Variants in LRRTM4 observed in about 807,000 individuals in gnomAD.
The protein encoded by LRRTM4 is leucine rich repeat transmembrane neuronal 4.
In LRRTM4, 25 loss-of-function variants were observed where a neutral mutation model predicts 47.6. The observed-to-expected ratio is 0.53, with a 90% CI of 0.38 to 0.73. LRRTM4 has a LOEUF of 0.73. Ranked by LOEUF, LRRTM4 falls within the 30% of genes least tolerant of loss-of-function variation. The probability of loss-of-function intolerance (pLI) is 0.00; values close to 1 mark genes in which losing one functional copy is unlikely to be tolerated. For missense variants in LRRTM4, 638 were observed against 713.4 expected, an observed-to-expected ratio of 0.89 and a Z score of 1.20; for synonymous variants, 311 against 269.5, an observed-to-expected ratio of 1.15 and a Z score of -1.51.
intron 3 of LRRTM4, among the ~76,000 whole-genome samples, chr2:77,317,541 G>T (rs1263456315): frequency 1.3e-5 from 2 of 151,958 alleles, no homozygotes; most frequent in African/African-American, 2.4e-5. Context: ...TTTTTTATTT[G>T]AAAGATTATC....
At chr2:77,141,686 A>G (rs918316184) in intron 3 of LRRTM4, among the ~76,000 whole-genome samples, 7 of 152,154 alleles carry the variant, frequency 4.6e-5, no homozygotes, top group African/African-American at 1.7e-4. Flanking sequence ...GAGGACTCCT[A>G]AGTTTTTATT....
At chr2:76,902,386 T>C (rs1293684387) in intron 3 of LRRTM4, among the ~76,000 whole-genome samples, 3 of 152,316 alleles carry the variant, frequency 2.0e-5, no homozygotes, top group African/African-American at 4.8e-5. Flanking sequence ...CAATTATACT[T>C]GAAACATTAT....
At chr2:77,396,731 G>A (rs1673719595) in intron 3 of LRRTM4, among the ~76,000 whole-genome samples, 1 of 151,926 alleles carries the variant, frequency 6.6e-6, no homozygotes, top group South Asian at 2.1e-4. Flanking sequence ...GGTGAAACCA[G>A]GCAATATGCA....
intron 3 of LRRTM4, among the ~76,000 whole-genome samples, chr2:77,473,494 T>C (rs1418311317): frequency 6.6e-6 from 1 of 152,070 alleles, no homozygotes; most frequent in African/African-American, 2.4e-5. Flanking sequence ...TAGCCTTTTT[T>C]TCCCCCTTTC....
At chr2:77,463,138 A>ACC (rs1415014186) in intron 3 of LRRTM4, among the ~76,000 whole-genome samples, 1 of 152,040 alleles carries the variant, frequency 6.6e-6, no homozygotes, top group Non-Finnish European at 1.5e-5. Flanking sequence ...CCTACTACAC[A>ACC]CCTAGGCTGT....
At chr2:77,189,851 AAAC>A (rs1428076280) in intron 3 of LRRTM4, among the ~76,000 whole-genome samples, 2 of 152,140 alleles carry the variant, frequency 1.3e-5, no homozygotes, top group African/African-American at 4.8e-5. Context: ...CTATATACAT[AAAC>A]AATATCTATG....
At chr2:76,935,343 T>C (rs1674908627) in intron 3 of LRRTM4, among the ~76,000 whole-genome samples, 1 of 152,184 alleles carries the variant, frequency 6.6e-6, no homozygotes, top group African/African-American at 2.4e-5. Flanking sequence ...GGGCTCTTTT[T>C]GGTTTCATAT....
intron 3 of LRRTM4, among the ~76,000 whole-genome samples, chr2:77,258,487 A>T (rs1573156018): frequency 6.6e-6 from 1 of 152,134 alleles, no homozygotes; most frequent in African/African-American, 2.4e-5. Context: ...ATTTACAGTT[A>T]CATAATGTAT....
chr2:77,163,506 C>T (rs564139911), intron 3 of LRRTM4, among the ~76,000 whole-genome samples: 32 of 152,230 alleles, frequency 2.1e-4, no homozygotes, highest in African/African-American at 7.2e-4. Flanking sequence ...AGAAGAGCAA[C>T]TCCAAGACAC....
At chr2:76,868,037 G>A (rs1200652780) in intron 3 of LRRTM4, among the ~76,000 whole-genome samples, 1 of 152,122 alleles carries the variant, frequency 6.6e-6, no homozygotes, top group Non-Finnish European at 1.5e-5. Flanking sequence ...GTCAGCTGTG[G>A]AGACATTTCC....
At chr2:77,033,732 A>T (rs1678740593) in intron 3 of LRRTM4, among the ~76,000 whole-genome samples, 2 of 151,836 alleles carry the variant, frequency 1.3e-5, no homozygotes, top group African/African-American at 4.8e-5. Flanking sequence ...TTAATTTCTA[A>T]TATCAATAGG....
At chr2:77,295,597 T>C (rs1156564855) in intron 3 of LRRTM4, among the ~76,000 whole-genome samples, 4 of 152,244 alleles carry the variant, frequency 2.6e-5, no homozygotes, top group East Asian at 3.9e-4. Flanking sequence ...ATGTATTTTC[T>C]CATAGTTCTG....
intron 3 of LRRTM4, among the ~76,000 whole-genome samples, chr2:77,219,698 C>T (rs999752846): frequency 1.3e-5 from 2 of 152,122 alleles, no homozygotes; most frequent in Non-Finnish European, 2.9e-5. Flanking sequence ...CCTGAGGATT[C>T]CCGCCATTCT....
chr2:77,176,348 A>G (rs1365475300), intron 3 of LRRTM4, among the ~76,000 whole-genome samples: 1 of 152,190 alleles, frequency 6.6e-6, no homozygotes, highest in African/African-American at 2.4e-5. Context: ...AGGATGACCA[A>G]TGATTTCAGT....
chr2:76,753,593 T>G (rs1487222196), intron 3 of LRRTM4, among the ~76,000 whole-genome samples: 2 of 152,154 alleles, frequency 1.3e-5, no homozygotes, highest in Non-Finnish European at 2.9e-5. Context: ...TTTTCAATTA[T>G]AGGGGTTCAT....
At chr2:77,430,721 C>CAAAA (rs59430158) in intron 3 of LRRTM4, among the ~76,000 whole-genome samples, 3 of 122,336 alleles carry the variant, frequency 2.5e-5, no homozygotes, top group African/African-American at 3.5e-5. Context: ...AACTCTGTCT[C>CAAAA]AAAAAAAAAA....
intron 3 of LRRTM4, among the ~76,000 whole-genome samples, chr2:76,856,432 AAAAC>A (rs1180990976): frequency 2.0e-5 from 3 of 152,208 alleles, no homozygotes; most frequent in African/African-American, 7.2e-5. Flanking sequence ...TGTAAATATC[AAAAC>A]AAACCATGTA....
At chr2:77,237,779 TC>T (rs946376243) in intron 3 of LRRTM4, among the ~76,000 whole-genome samples, 3 of 152,124 alleles carry the variant, frequency 2.0e-5, no homozygotes, top group Non-Finnish European at 4.4e-5. Context: ...ACTAGATCAT[TC>T]CTTACTATAC....
chr2:76,771,573 G>A (rs1241691654), intron 3 of LRRTM4, among the ~76,000 whole-genome samples: 4 of 151,262 alleles, frequency 2.6e-5, no homozygotes, highest in African/African-American at 9.8e-5. Flanking sequence ...TTCGGGCTTT[G>A]GCTAAAACAC....
Sources: allele counts gnomAD v4.1 joint callset (sites outside exome capture counted in the v4.1 genomes callset), GRCh38; gene constraint gnomAD v4.1.1; transcripts MANE v1.5; gene names NCBI Gene and HGNC (gene_info 2026-07-23, HGNC 2026-07-21).